The following RPS6KA6 variants were observed in gnomAD, a reference collection of about 807,000 sequenced individuals.
RPS6KA6 encodes ribosomal protein S6 kinase A6.
In RPS6KA6, 27 loss-of-function variants were observed where a neutral mutation model predicts 65.4. The observed-to-expected ratio is 0.41, with a 90% CI of 0.30 to 0.57. RPS6KA6 has a LOEUF of 0.57. Ranked by LOEUF, RPS6KA6 falls within the 20% of genes least tolerant of loss-of-function variation. The pLI is 0.24. For synonymous variants in RPS6KA6, 190 were observed against 184.2 expected, an observed-to-expected ratio of 1.03 and a Z score of -0.26; for missense variants, 486 against 555.6, an observed-to-expected ratio of 0.87 and a Z score of 1.26.
intron 8 of RPS6KA6, among the ~76,000 whole-genome samples, chrX:84,125,560 A>G (rs2147489348): frequency 8.9e-6 from 1 of 111,815 alleles, no homozygotes; most frequent in East Asian, 2.8e-4. Flanking sequence ...TATGCAAAAA[A>G]TAAAGAGAAA....
At chrX:84,134,700 A>C in intron 8 of RPS6KA6, 82 bp downstream of exon 8, 1 of 645,168 alleles carries the variant, frequency 1.5e-6, no homozygotes, top group Non-Finnish European at 2.3e-6. Context: ...AAAGAGAAAA[A>C]AACAGGCTTA....
Position 84,061,349 on chromosome X carries a change from T to C in RPS6KA6, c.*2928A>G, listed in dbSNP as rs973558947. The stretch of plus-strand genomic sequence containing the variant: ...AAGCATCTGTTCTTAAGGTTGTGGG[T>C]TGCCTAAACATATGGAATCCCTTTG... On this transcript the variant is annotated 3_prime_UTR_variant, in exon 22 of 22. Coordinates refer to ENST00000262752, the MANE Select transcript of RPS6KA6 (RefSeq NM_014496.5). The C allele has an allele frequency of 1.8e-5, 2 of 112,226 alleles. No individual in the cohort carries two copies. The highest frequency in any genetic ancestry group is 1.9e-4 in the Admixed American group (2 of 10,632). The allele number at this position is 112,226 out of a possible 1,213,427, so 9.2% of individuals were successfully genotyped here. A position where few individuals can be genotyped will look rare whatever the true frequency, so the allele number is the denominator to read the frequency against.
chrX:84,153,330 G>A (rs896393068), intron 3 of RPS6KA6, among the ~76,000 whole-genome samples: 3 of 111,036 alleles, frequency 2.7e-5, no homozygotes, highest in African/African-American at 9.8e-5. Context: ...GATATATAAG[G>A]ACGACTAATC....
chrX:84,154,817 G>T, intron 3 of RPS6KA6, among the ~76,000 whole-genome samples: 1 of 111,421 alleles, frequency 9.0e-6, no homozygotes, highest in East Asian at 2.8e-4. Context: ...TTTGTGTCCT[G>T]AAAATGTTTC....
chrX:84,099,486 A>C (rs761550583), intron 18 of RPS6KA6, among the ~76,000 whole-genome samples: 4 of 111,324 alleles, frequency 3.6e-5, no homozygotes, highest in Non-Finnish European at 5.7e-5. Context: ...AGTCAGCAGA[A>C]AGTAACATAC....
rs186287463 is a variant in RPS6KA6, at chrX:84,133,559, C to T, written c.646+1223G>A. 7.2e-5 allele frequency among the ~76,000 whole-genome samples: 8 copies of T among 111,002 alleles called. No individual in the cohort carries two copies. The East Asian group carries it at 2.3e-3, about 31-fold the overall frequency. ...AATGAGAACACTAAATACAAATAAA[C>T]TTGGCATCATTATTTACGTAATTAA... On this transcript the variant is annotated intron_variant, in intron 8 of 21. Transcript: ENST00000262752.
At chrX:84,142,895 T>A (rs2035131883) in intron 6 of RPS6KA6, among the ~76,000 whole-genome samples, 1 of 111,042 alleles carries the variant, frequency 9.0e-6, no homozygotes, top group African/African-American at 3.3e-5. Context: ...GTGAATTCTA[T>A]CAATCATTTA....
At chrX:84,145,354 T>C (rs1357604229) in intron 6 of RPS6KA6, 124 bp downstream of exon 6, 1 of 436,544 alleles carries the variant, frequency 2.3e-6, no homozygotes, top group Admixed American at 5.2e-5. Context: ...CCAAATACTA[T>C]GCAATGAAAC....
intron 1 of RPS6KA6, 49 bp downstream of exon 1, chrX:84,187,770 G>A: frequency 8.8e-7 from 1 of 1,136,490 alleles, no homozygotes. Context: ...AGGTCTTGAG[G>A]GGAAGGAGGC....
intron 1 of RPS6KA6, among the ~76,000 whole-genome samples, chrX:84,170,675 A>G (rs1250670808): frequency 9.0e-6 from 1 of 111,062 alleles, no homozygotes; most frequent in Non-Finnish European, 1.9e-5. Context: ...ATCTATGCCT[A>G]TATATTAAGC....
intron 6 of RPS6KA6, among the ~76,000 whole-genome samples, chrX:84,145,051 C>T (rs2035175780): frequency 9.0e-6 from 1 of 111,073 alleles, no homozygotes; most frequent in Non-Finnish European, 1.9e-5. Flanking sequence ...TCGGGAATGA[C>T]AGATATGCTA....
chrX:84,073,120 C>A (rs1462077839), intron 20 of RPS6KA6, among the ~76,000 whole-genome samples: 1 of 111,496 alleles, frequency 9.0e-6, no homozygotes, highest in Non-Finnish European at 1.9e-5. Context: ...ACACTGACTT[C>A]AAAGTATTCT....
At chrX:84,117,497 T>C (rs772942453) in intron 9 of RPS6KA6, 43 bp from the exon 10 acceptor site, 15 of 798,143 alleles carry the variant, frequency 1.9e-5, no homozygotes, top group Non-Finnish European at 2.6e-5. Context: ...TAGAACACCT[T>C]AGAATATATA....
intron 6 of RPS6KA6, among the ~76,000 whole-genome samples, chrX:84,138,926 C>A (rs1334252546): frequency 9.1e-6 from 1 of 110,034 alleles, no homozygotes; most frequent in African/African-American, 3.3e-5. Context: ...TTAAAACATA[C>A]AAAAATGTAT....
chrX:84,104,155 TTA>T (rs1200724986), intron 17 of RPS6KA6, among the ~76,000 whole-genome samples: 1 of 110,823 alleles, frequency 9.0e-6, no homozygotes, highest in Non-Finnish European at 1.9e-5. Context: ...AATCTGAACT[TTA>T]TATGTTAGGT....
intron 20 of RPS6KA6, among the ~76,000 whole-genome samples, chrX:84,072,656 G>A (rs1374004282): frequency 8.9e-6 from 1 of 111,913 alleles, no homozygotes. Context: ...AAACACTAAA[G>A]ATGCCACCAA....
rs985951643 is a variant in RPS6KA6, at chrX:84,148,213, C to T, written c.259-90G>A. 11 of 480,085 alleles carry T rather than the reference C, an allele frequency of 2.3e-5. No homozygotes were observed. In the Admixed American group the frequency reaches 3.7e-4, roughly 16 times the overall value. The allele number at this position is 480,085 out of a possible 1,213,427, so 39.6% of individuals were successfully genotyped here. ...AAACACACCAGCATACACTTATATCCTTGCATTTTCTCTAATTTTATAAAC... is the reference window on the plus strand; with the variant it reads ...AAACACACCAGCATACACTTATATCTTTGCATTTTCTCTAATTTTATAAAC... On this transcript the variant is annotated intron_variant, in intron 3 of 21. Transcript: ENST00000262752.
chrX:84,139,221 G>A (rs1388154034), intron 6 of RPS6KA6, among the ~76,000 whole-genome samples: 1 of 111,886 alleles, frequency 8.9e-6, no homozygotes, highest in Admixed American at 9.5e-5. Context: ...GTCCCACATC[G>A]AGAATGGAGG....
At chrX:84,182,872 T>C (rs551672639) in intron 1 of RPS6KA6, among the ~76,000 whole-genome samples, 2 of 112,400 alleles carry the variant, frequency 1.8e-5, no homozygotes, top group East Asian at 2.8e-4. Context: ...CTGGTCATTA[T>C]TTTCAGAATA....
Sources: allele counts gnomAD v4.1 joint callset (sites outside exome capture counted in the v4.1 genomes callset), GRCh38; gene constraint gnomAD v4.1.1; transcripts MANE v1.5; gene names NCBI Gene and HGNC (gene_info 2026-07-23, HGNC 2026-07-21).